Variants in RARB observed in about 807,000 individuals in gnomAD.
RARB encodes the protein HBV-activated protein.
RARB carries 17 observed loss-of-function variants against 51.9 expected under a neutral mutation model. The observed-to-expected ratio is 0.33, with a 90% confidence interval of 0.22 to 0.49. RARB has a LOEUF of 0.49. Among genes scored for constraint, RARB ranks in the 20% least tolerant of loss-of-function variants. The probability of loss-of-function intolerance (pLI) is 0.99; values close to 1 mark genes in which losing one functional copy is unlikely to be tolerated. For missense variants in RARB, 369 were observed against 550.8 expected (o/e 0.67, Z 3.30); for synonymous variants, 215 against 195.4 (o/e 1.10, Z -0.84).
At chr3:24,896,824 AATAGATCTCTATTTCAGACATGTCTC>A (rs369152145) in intron 2 of RARB, among the ~76,000 whole-genome samples, 33 of 152,292 alleles carry the variant, frequency 2.2e-4, no homozygotes, top group African/African-American at 7.2e-4. Context: ...ACAATGGAAA[AATAGATCTCTATTTCAGACATGTCTC>A]ATACCAAGAC....
At chr3:25,167,401 A>G (rs2125349649) in intron 4 of RARB, among the ~76,000 whole-genome samples, 1 of 152,348 alleles carries the variant, frequency 6.6e-6, no homozygotes, top group South Asian at 2.1e-4. Context: ...CTTTTTTGGA[A>G]GATGGACAGC....
intron 4 of RARB, among the ~76,000 whole-genome samples, chr3:25,577,330 G>A (rs1006936359): frequency 7.2e-5 from 11 of 152,144 alleles, no homozygotes; most frequent in African/African-American, 2.4e-4. Flanking sequence ...GTCGGTGATC[G>A]TTAAGCATGT....
At chr3:24,970,258 CA>C (rs1394810697) in intron 2 of RARB, among the ~76,000 whole-genome samples, 1 of 152,022 alleles carries the variant, frequency 6.6e-6, no homozygotes, top group Non-Finnish European at 1.5e-5. Context: ...ATCAGCAAAG[CA>C]AAGAACGTGT....
intron 5 of RARB, among the ~76,000 whole-genome samples, chr3:25,376,723 C>G (rs1706472049): frequency 1.3e-5 from 2 of 152,228 alleles, no homozygotes; most frequent in Admixed American, 1.3e-4. Context: ...TGGTATCAGG[C>G]TATCCCAAGA....
At chr3:24,832,056 A>G (rs2125326203) in intron 1 of RARB, among the ~76,000 whole-genome samples, 1 of 152,294 alleles carries the variant, frequency 6.6e-6, no homozygotes, top group African/African-American at 2.4e-5. Context: ...ACACATTTTA[A>G]AAGTATTGTG....
intron 4 of RARB, among the ~76,000 whole-genome samples, chr3:25,157,534 C>G (rs1193321701): frequency 6.6e-6 from 1 of 150,500 alleles, no homozygotes; most frequent in Non-Finnish European, 1.5e-5. Context: ...AGTAACAGGA[C>G]TACAGGCGTG....
chr3:25,036,533 AC>A (rs1327897323), intron 2 of RARB, among the ~76,000 whole-genome samples: 1 of 152,168 alleles, frequency 6.6e-6, no homozygotes, highest in Admixed American at 6.5e-5. Context: ...GTGTGCCAAC[AC>A]TGGAAATGTG....
At chr3:25,538,769 ATCATT>A (rs2125652169) in intron 3 of RARB, among the ~76,000 whole-genome samples, 1 of 152,384 alleles carries the variant, frequency 6.6e-6, no homozygotes, top group African/African-American at 2.4e-5. Context: ...TATAATATAC[ATCATT>A]TCATTTGGTG....
intron 2 of RARB, among the ~76,000 whole-genome samples, chr3:24,937,510 C>A (rs1213143058): frequency 2.0e-5 from 3 of 152,194 alleles, no homozygotes; most frequent in Admixed American, 1.3e-4. Context: ...CATAAAACTG[C>A]TTTCCATTCC....
At chr3:25,396,169 G>A (rs995250879) in intron 5 of RARB, among the ~76,000 whole-genome samples, 2 of 152,196 alleles carry the variant, frequency 1.3e-5, no homozygotes, top group African/African-American at 4.8e-5. Context: ...TGGGCTCCAG[G>A]CTTATAATGG....
chr3:24,890,037 T>C (rs1022511055), intron 2 of RARB, among the ~76,000 whole-genome samples: 4 of 152,200 alleles, frequency 2.6e-5, no homozygotes, highest in Non-Finnish European at 4.4e-5. Context: ...TAATTACATG[T>C]ATAGCAGCTC....
intron 5 of RARB, among the ~76,000 whole-genome samples, chr3:25,263,350 C>T (rs1445671273): frequency 1.3e-5 from 2 of 152,268 alleles, no homozygotes; most frequent in Non-Finnish European, 2.9e-5. Context: ...ACTGTGGCAT[C>T]GGGCATTAAA....
intron 2 of RARB, among the ~76,000 whole-genome samples, chr3:25,038,754 A>G (rs929474004): frequency 6.6e-6 from 1 of 152,168 alleles, no homozygotes; most frequent in African/African-American, 2.4e-5. Context: ...TTTAAGAACA[A>G]TAGAAAAAGC....
chr3:25,523,764 T>C (rs1698511485), intron 3 of RARB, among the ~76,000 whole-genome samples: 1 of 152,206 alleles, frequency 6.6e-6, no homozygotes, highest in African/African-American at 2.4e-5. Flanking sequence ...GAATCAGCCC[T>C]CACTCACACT....
chr3:25,329,244 C>A (rs1052303539), intron 5 of RARB, among the ~76,000 whole-genome samples: 1 of 152,158 alleles, frequency 6.6e-6, no homozygotes, highest in Non-Finnish European at 1.5e-5. Context: ...GTCCCTGACC[C>A]CCGAGTAGCC....
chr3:25,397,852 T>C (rs1377308490), intron 5 of RARB, among the ~76,000 whole-genome samples: 2 of 149,920 alleles, frequency 1.3e-5, no homozygotes, highest in South Asian at 2.1e-4. Flanking sequence ...TCAAAAAATA[T>C]GTGATTTGTG....
intron 3 of RARB, among the ~76,000 whole-genome samples, chr3:25,555,760 T>C (rs1368282361): frequency 2.6e-5 from 4 of 152,168 alleles, no homozygotes; most frequent in Admixed American, 6.5e-5. Flanking sequence ...AAGAAATAGA[T>C]GGCCCCGGGG....
chr3:24,925,643 C>CTT (rs564076072), intron 2 of RARB, among the ~76,000 whole-genome samples: 247 of 96,778 alleles, frequency 2.6e-3, no homozygotes, highest in Non-Finnish European at 4.3e-3. Flanking sequence ...CAGATCCTGT[C>CTT]TTTTTTTTTT....
At chr3:25,385,950 A>T (rs1706781930) in intron 5 of RARB, among the ~76,000 whole-genome samples, 1 of 152,098 alleles carries the variant, frequency 6.6e-6, no homozygotes, top group Admixed American at 6.6e-5. Context: ...GAGGGGCCCC[A>T]GTTTCTGCTT....
Sources: allele counts gnomAD v4.1 joint callset (sites outside exome capture counted in the v4.1 genomes callset), GRCh38; gene constraint gnomAD v4.1.1; transcripts MANE v1.5; gene names NCBI Gene and HGNC (gene_info 2026-07-23, HGNC 2026-07-21).